The following TRPM7 variants were observed in gnomAD, a reference collection of about 807,000 sequenced individuals.
TRPM7 encodes LTRPC ion channel family member 7.
Under a neutral mutation model 229.7 loss-of-function variants are expected in TRPM7, and 134 were observed. The observed-to-expected ratio is 0.58, with a 90% CI of 0.51 to 0.67. TRPM7 has a LOEUF of 0.67. Ranked by LOEUF, TRPM7 falls within the 30% of genes least tolerant of loss-of-function variation. TRPM7 has a pLI of 0.00. For synonymous variants in TRPM7, 699 were observed against 715.2 expected (o/e 0.98, Z 0.36); for missense variants, 1,901 against 2,210.0 (o/e 0.86, Z 2.80).
At chr15:50,573,071 T>C (rs572906263) in intron 36 of TRPM7, among the ~76,000 whole-genome samples, 1 of 152,200 alleles carries the variant, frequency 6.6e-6, no homozygotes, top group Admixed American at 6.5e-5. Flanking sequence ...TTTTCTTTCA[T>C]ATATATGAAA....
chr15:50,583,695 G>C (rs2054541874), intron 28 of TRPM7, among the ~76,000 whole-genome samples: 1 of 151,432 alleles, frequency 6.6e-6, no homozygotes, highest in South Asian at 2.1e-4. Context: ...TCCTGCCTCA[G>C]CCTCCCTAGT....
At chr15:50,639,033 T>C (rs1055185308) in intron 6 of TRPM7, among the ~76,000 whole-genome samples, 3 of 152,194 alleles carry the variant, frequency 2.0e-5, no homozygotes, top group African/African-American at 7.2e-5. Flanking sequence ...CACATGTCTT[T>C]AACCTATTCA....
At chr15:50,638,316 G>A (rs1385707344) in intron 6 of TRPM7, among the ~76,000 whole-genome samples, 5 of 128,740 alleles carry the variant, frequency 3.9e-5, no homozygotes, top group African/African-American at 5.9e-5. Context: ...CCGAGATCGC[G>A]CCACTGCACT....
At chr15:50,651,047 C>T (rs1000648701) in intron 3 of TRPM7, among the ~76,000 whole-genome samples, 8 of 151,986 alleles carry the variant, frequency 5.3e-5, no homozygotes, top group African/African-American at 1.9e-4. Context: ...GTTAGTCGGG[C>T]GTGGTGATGC....
At chr15:50,615,324 T>A (rs1439449960) in intron 13 of TRPM7, among the ~76,000 whole-genome samples, 1 of 152,188 alleles carries the variant, frequency 6.6e-6, no homozygotes, top group Admixed American at 6.6e-5. Context: ...AGTATTTTTT[T>A]AACCAAAATT....
Position 50,654,333 on chromosome 15 carries a change from G to A in TRPM7, c.122+3448C>T, listed in dbSNP as rs1458336704. Among the ~76,000 whole-genome samples the A allele has an allele frequency of 6.6e-5, 10 of 151,436 alleles. No individual in the cohort carries two copies. The East Asian group carries it at 1.9e-3, about 29-fold the overall frequency. Reference sequence around the variant, plus strand: ...GTGGTGGTGTGCGCCTGTAATCCCAGCTACTCGGGAGGCTAAGGCAGGAGA... The same window carrying A: ...GTGGTGGTGTGCGCCTGTAATCCCAACTACTCGGGAGGCTAAGGCAGGAGA... On this transcript the variant is annotated intron_variant, in intron 3 of 38. Coordinates refer to ENST00000646667, the MANE Select transcript of TRPM7 (RefSeq NM_017672.6).
chr15:50,609,762 T>C (rs370279442), intron 18 of TRPM7, 38 bp from the exon 19 acceptor site: 44 of 1,591,678 alleles, frequency 2.8e-5, no homozygotes, highest in Non-Finnish European at 3.6e-5. Flanking sequence ...TGTACAATTA[T>C]TCAGAACAAA....
rs2063011 is a variant in TRPM7 at position 50,648,911 on chromosome 15, C to G, written c.123-26G>C. ...CTAAAAGAAAAAGGTGAGATTAAAACACCCTTCAAAAAATTAGAGTTAATG... is the reference window on the plus strand; with the variant it reads ...CTAAAAGAAAAAGGTGAGATTAAAAGACCCTTCAAAAAATTAGAGTTAATG... On this transcript the variant is annotated intron_variant, in intron 3 of 38. Transcript: ENST00000646667. 0.99 allele frequency: 1,561,823 copies of G among 1,571,564 alleles called. 776,500 individuals carry two copies. The highest frequency in any genetic ancestry group is 1 in the Non-Finnish European group (1,156,823 of 1,157,186).
chr15:50,621,341 G>A (rs192023460), intron 12 of TRPM7, among the ~76,000 whole-genome samples: 36 of 152,098 alleles, frequency 2.4e-4, no homozygotes, highest in Admixed American at 1.5e-3. Context: ...CTAACGGTAT[G>A]TAATCACATG....
chr15:50,644,124 T>G (rs1049911269), intron 4 of TRPM7, among the ~76,000 whole-genome samples: 16 of 152,350 alleles, frequency 1.1e-4, no homozygotes, highest in African/African-American at 3.6e-4. Context: ...AATAACTGGA[T>G]TTGATCAGAC....
intron 25 of TRPM7, among the ~76,000 whole-genome samples, chr15:50,593,114 C>A (rs1289338554): frequency 6.6e-6 from 1 of 151,906 alleles, no homozygotes; most frequent in Non-Finnish European, 1.5e-5. Context: ...CATGTTGAAA[C>A]CCTGTCTCTA....
At chr15:50,626,740 G>A (rs1203232949) in intron 11 of TRPM7, among the ~76,000 whole-genome samples, 1 of 151,810 alleles carries the variant, frequency 6.6e-6, no homozygotes, top group Non-Finnish European at 1.5e-5. Flanking sequence ...TCCTGCAAGA[G>A]GAGAAGTGAC....
chr15:50,634,166 C>A (rs2060817582), intron 8 of TRPM7, among the ~76,000 whole-genome samples: 1 of 151,650 alleles, frequency 6.6e-6, no homozygotes, highest in African/African-American at 2.4e-5. Flanking sequence ...TAAAAAGATA[C>A]AAAAATTAGC....
intron 11 of TRPM7, among the ~76,000 whole-genome samples, chr15:50,627,020 T>C (rs2060580339): frequency 6.6e-6 from 1 of 152,196 alleles, no homozygotes; most frequent in Admixed American, 6.5e-5. Flanking sequence ...ATATTTACTA[T>C]GTGGACAAAA....
In TRPM7 at chr15:50,575,772, A is replaced by C; in HGVS notation, c.4687T>G (p.Leu1563Val). Residue 1563 changes from leucine to valine, a missense_variant, in exon 33 of 39, where the codon TTG becomes GTG. This residue lies in a region of TRPM7 where 533 missense variants were observed against 497.1 expected (regional missense o/e 1.07). Transcript: ENST00000646667. ...YYYSAVERNN[L>V]MRLSQSIPFT... ...GGAATGCTCTGTGATAACCTCATCAAGTTATTTCTTTCCACAGCTGCATAA... is the reference window on the plus strand; with the variant it reads ...GGAATGCTCTGTGATAACCTCATCACGTTATTTCTTTCCACAGCTGCATAA... The C allele has an allele frequency of 6.2e-7, 1 of 1,613,590 alleles. No homozygotes were observed. Among genetic ancestry groups the C allele is most frequent in the South Asian group, 1.1e-5 (1 of 91,024 alleles).
intron 10 of TRPM7, among the ~76,000 whole-genome samples, chr15:50,630,458 T>C (rs1284569538): frequency 1.3e-5 from 2 of 152,202 alleles, no homozygotes; most frequent in African/African-American, 4.8e-5. Flanking sequence ...TCTGAGAAGA[T>C]TTTTCGCTAT....
At chr15:50,582,843 T>C (rs1227023750) in intron 29 of TRPM7, among the ~76,000 whole-genome samples, 2 of 152,194 alleles carry the variant, frequency 1.3e-5, no homozygotes, top group Non-Finnish European at 1.5e-5. Context: ...AATGAGTTCA[T>C]ATAATTAGCT....
chr15:50,631,579 C>T, intron 9 of TRPM7, 90 bp from the exon 10 acceptor site: 1 of 708,720 alleles, frequency 1.4e-6, no homozygotes. Flanking sequence ...ATATGGGGGG[C>T]AAAATATATA....
intron 1 of TRPM7, among the ~76,000 whole-genome samples, chr15:50,685,908 C>A (rs1382704506): frequency 6.6e-6 from 1 of 152,172 alleles, no homozygotes; most frequent in Non-Finnish European, 1.5e-5. Flanking sequence ...AGCCTCCCCC[C>A]ACCCACCAAA....
Sources: gnomAD v4.1 joint callset for allele counts (sites outside exome capture counted in the v4.1 genomes callset) on GRCh38, gnomAD v4.1.1 for gene constraint, gnomAD v4.1.1 regional missense constraint, MANE v1.5 for transcripts, NCBI Gene and HGNC (gene_info 2026-07-23, HGNC 2026-07-21) for gene names.